Variants in CAMTA1 observed in about 807,000 individuals in gnomAD.
The protein encoded by CAMTA1 is calmodulin-binding transcription activator 1.
Under a neutral mutation model 170.9 loss-of-function variants are expected in CAMTA1, and 27 were observed. That is an observed-to-expected ratio of 0.16 (90% CI 0.12 to 0.22). The LOEUF is 0.22. Ranked by LOEUF, CAMTA1 falls within the 10% of genes least tolerant of loss-of-function variation. CAMTA1 has a pLI of 1.00. For synonymous variants in CAMTA1, 833 were observed against 891.5 expected (o/e 0.93, Z 1.17); for missense variants, 1,619 against 2,217.2 (o/e 0.73, Z 5.42).
intron 3 of CAMTA1, among the ~76,000 whole-genome samples, chr1:6,932,198 G>A (rs943212404): frequency 6.6e-5 from 10 of 152,038 alleles, no homozygotes; most frequent in Admixed American, 1.3e-4. Flanking sequence ...CCCCCTCCTC[G>A]CCAGGCAACC....
chr1:6,941,509 A>G (rs1415414230), intron 3 of CAMTA1, among the ~76,000 whole-genome samples: 1 of 152,166 alleles, frequency 6.6e-6, no homozygotes, highest in Non-Finnish European at 1.5e-5. Flanking sequence ...GCACAGATTT[A>G]GGTGTAAATG....
chr1:7,691,638 G>T (rs1462682222), intron 11 of CAMTA1, among the ~76,000 whole-genome samples: 2 of 152,190 alleles, frequency 1.3e-5, no homozygotes, highest in Non-Finnish European at 2.9e-5. Flanking sequence ...CTTGGAGGAG[G>T]ACCAGTCAGG....
chr1:6,849,120 A>G (rs978407508), intron 3 of CAMTA1, among the ~76,000 whole-genome samples: 9 of 152,218 alleles, frequency 5.9e-5, no homozygotes, highest in Non-Finnish European at 1.2e-4. Flanking sequence ...TTTTTATGCT[A>G]TAGTGGCTTA....
At chr1:6,820,524 A>G (rs1048999526) in intron 2 of CAMTA1, among the ~76,000 whole-genome samples, 5 of 152,208 alleles carry the variant, frequency 3.3e-5, no homozygotes, top group African/African-American at 1.2e-4. Flanking sequence ...TACTAATACA[A>G]CACTTCTGTA....
At chr1:7,231,109 G>T (rs1324651104) in intron 4 of CAMTA1, among the ~76,000 whole-genome samples, 2 of 152,156 alleles carry the variant, frequency 1.3e-5, no homozygotes, top group East Asian at 3.9e-4. Context: ...GAGAGCCCCG[G>T]TGGCTACCTC....
rs542190130 is a variant in CAMTA1, at chr1:7,141,679, C to T, written c.302+50308C>T. Among the ~76,000 whole-genome samples the T allele has an allele frequency of 3.4e-4, 52 of 152,298 alleles. 1 individual carries two copies. The highest frequency in any genetic ancestry group is 1.9e-3 in the South Asian group (9 of 4,824). On this transcript the variant is annotated intron_variant, in intron 4 of 22. Transcript: ENST00000303635. ...CATGCACCTACTCTGGAGTCTGGCA[C>T]GCAGCAAGTGCTGGGTAAATATTAG...
chr1:7,680,088 G>A lies in CAMTA1; in HGVS notation c.2914+2355G>A. The A allele has an allele frequency of 6.0e-6, 1 of 165,790 alleles. No individual in the cohort carries two copies. Among genetic ancestry groups the A allele is most frequent in the South Asian group, 1.1e-4 (1 of 9,192 alleles). 10.3% of individuals were successfully genotyped at this position (165,790 alleles called of 1,614,324 possible). A position where few individuals can be genotyped will look rare whatever the true frequency, so the allele number is the denominator to read the frequency against. ...AAGGGAGGGGAGGGGAAGCAGCGCCGCAGTCGCAGCGCAAAGGGGGCCGCG... is the reference window on the plus strand; with the variant it reads ...AAGGGAGGGGAGGGGAAGCAGCGCCACAGTCGCAGCGCAAAGGGGGCCGCG... On this transcript the variant is annotated intron_variant, in intron 11 of 22. Coordinates refer to ENST00000303635, the MANE Select transcript of CAMTA1 (RefSeq NM_015215.4). This position sits in a 1 kb window ranked among gnomAD's most constrained non-coding sequence, Gnocchi z 4.4.
rs201691855 is a variant in CAMTA1 at position 6,809,011 on chromosome 1, TTTC to T, written c.46-11158_46-11156del. Among the ~76,000 whole-genome samples, 996 of 151,610 alleles carry T rather than the reference TTTC, an allele frequency of 6.6e-3. 9 individuals carry two copies. The highest frequency in any genetic ancestry group is 0.022 in the African/African-American group (901 of 41,354). On this transcript the variant is annotated intron_variant, in intron 1 of 22. Transcript: ENST00000303635. ...GAATGGCTGCAAAGGTACCACTGTT[TTTC>T]TTCTTCTTCTTTTTCTTTTTTTTTT...
chr1:7,699,538 A>G (rs1236923887), intron 11 of CAMTA1, among the ~76,000 whole-genome samples: 1 of 152,228 alleles, frequency 6.6e-6, no homozygotes. Flanking sequence ...ATACCTAGGA[A>G]TGGAATGGCT....
chr1:7,504,706 T>C (rs183866359), intron 6 of CAMTA1, among the ~76,000 whole-genome samples: 1 of 152,384 alleles, frequency 6.6e-6, no homozygotes, highest in East Asian at 1.9e-4. Context: ...GCAGTGGTCC[T>C]CCATGTTTTT....
At chr1:7,471,837 C>T (rs1342539861) in intron 6 of CAMTA1, among the ~76,000 whole-genome samples, 1 of 152,232 alleles carries the variant, frequency 6.6e-6, no homozygotes, top group Non-Finnish European at 1.5e-5. Context: ...CCCTGACCTC[C>T]TCATGTGCCC....
intron 3 of CAMTA1, among the ~76,000 whole-genome samples, chr1:7,021,152 A>G (rs893566901): frequency 3.3e-5 from 5 of 152,238 alleles, no homozygotes; most frequent in Non-Finnish European, 7.3e-5. Flanking sequence ...CTTCAGGGCA[A>G]TCAAGCCCTT....
chr1:7,697,506 T>C (rs939902664), intron 11 of CAMTA1, among the ~76,000 whole-genome samples: 3 of 152,226 alleles, frequency 2.0e-5, no homozygotes, highest in African/African-American at 7.2e-5. Flanking sequence ...CGCTTTTTAG[T>C]ATCCTGCTCC....
At chr1:7,363,867 C>T (rs74321253) in intron 5 of CAMTA1, among the ~76,000 whole-genome samples, 145 of 152,270 alleles carry the variant, frequency 9.5e-4, no homozygotes, top group African/African-American at 3.3e-3. Context: ...CTGGTAGCCC[C>T]CCTCAAAGGC....
chr1:7,073,681 A>G lies in CAMTA1; in HGVS notation c.235-17623A>G, dbSNP rs535399944. 3.2e-4 allele frequency among the ~76,000 whole-genome samples: 49 copies of G among 152,210 alleles called. 1 individual carries two copies. The highest frequency in any genetic ancestry group is 1.7e-3 in the Admixed American group (26 of 15,278). ...TGCTGGTAGGGCAAGTAAAATTAAG[A>G]TTAAGAATTTGCCATGGGCTTTGGC... On this transcript the variant is annotated intron_variant, in intron 3 of 22. Transcript: ENST00000303635.
At chr1:7,695,071 G>A (rs191432332) in intron 11 of CAMTA1, among the ~76,000 whole-genome samples, 2 of 152,314 alleles carry the variant, frequency 1.3e-5, no homozygotes, top group East Asian at 3.9e-4. Context: ...CAGAAGGTCT[G>A]GTCTGGGTCA....
At chr1:7,326,865 G>T (rs1290797390) in intron 5 of CAMTA1, among the ~76,000 whole-genome samples, 2 of 152,146 alleles carry the variant, frequency 1.3e-5, no homozygotes, top group Non-Finnish European at 2.9e-5. Flanking sequence ...CAGCCCTGAG[G>T]CTTGTCAGGG....
intron 6 of CAMTA1, among the ~76,000 whole-genome samples, chr1:7,472,317 G>A (rs2093347170): frequency 6.6e-6 from 1 of 152,118 alleles, no homozygotes; most frequent in South Asian, 2.1e-4. Flanking sequence ...TGAGCTCCTT[G>A]GGGGACTCTG....
intron 5 of CAMTA1, among the ~76,000 whole-genome samples, chr1:7,341,046 G>C (rs1297186799): frequency 1.3e-5 from 2 of 152,226 alleles, no homozygotes; most frequent in Non-Finnish European, 2.9e-5. Context: ...GCCATGCCAA[G>C]ACACAGCCTT....
Sources: gnomAD v4.1 joint callset for allele counts (sites outside exome capture counted in the v4.1 genomes callset) on GRCh38, gnomAD v4.1.1 for gene constraint, Gnocchi (gnomAD v3.1) non-coding constraint, MANE v1.5 for transcripts, NCBI Gene and HGNC (gene_info 2026-07-23, HGNC 2026-07-21) for gene names.